Variants in TTC7A observed in about 807,000 individuals in gnomAD.
TTC7A encodes tetratricopeptide repeat domain 7A.
A neutral mutation model predicts 103.7 loss-of-function variants in TTC7A; 110 were observed. The ratio of observed to expected loss-of-function variants is 1.06; its 90% CI spans 0.91 to 1.24. The LOEUF is 1.24. Ranked by LOEUF, TTC7A falls within the 50% of genes most tolerant of loss-of-function variation. The probability of loss-of-function intolerance (pLI) is 0.00; values close to 1 mark genes in which losing one functional copy is unlikely to be tolerated. For missense variants in TTC7A, 1,340 were observed against 1,116.3 expected (o/e 1.20, Z -2.86); for synonymous variants, 521 against 467.9 (o/e 1.11, Z -1.47).
At chr2:47,072,215 C>A (rs924896008) in intron 19 of TTC7A, among the ~76,000 whole-genome samples, 2 of 152,216 alleles carry the variant, frequency 1.3e-5, no homozygotes, top group African/African-American at 4.8e-5. Flanking sequence ...GAGCGTAAGA[C>A]CCTGCCTGAG....
chr2:47,037,393 G>A (rs1311252255), intron 15 of TTC7A, among the ~76,000 whole-genome samples: 1 of 152,180 alleles, frequency 6.6e-6, no homozygotes, highest in Admixed American at 6.5e-5. Flanking sequence ...AACCATGCGG[G>A]GATTTGGGGA....
intron 8 of TTC7A, among the ~76,000 whole-genome samples, chr2:46,997,958 G>A (rs566330672): frequency 2.6e-5 from 4 of 152,232 alleles, no homozygotes; most frequent in African/African-American, 9.6e-5. Context: ...CGTGCTTGGA[G>A]CCAGGTGGGT....
At chr2:46,986,266 G>A (rs192454108) in intron 5 of TTC7A, among the ~76,000 whole-genome samples, 13 of 152,302 alleles carry the variant, frequency 8.5e-5, no homozygotes, top group African/African-American at 3.1e-4. Flanking sequence ...TGGGAAGCAG[G>A]GAGAAACCCT....
In TTC7A at chr2:46,917,202, C is replaced by T. The variant is rs1300459632; in HGVS notation, c.7C>T (p.Pro3Ser). The T allele has an allele frequency of 5.7e-6, 4 of 701,410 alleles. No homozygotes were observed. The Admixed American group carries it at 8.0e-5, about 14-fold the overall frequency. The allele number at this position is 701,410 out of a possible 1,614,324, so 43.4% of individuals were successfully genotyped here. A position where few individuals can be genotyped will look rare whatever the true frequency, so the allele number is the denominator to read the frequency against. ...TTTAAAGAAAAGAGTCTCCATGGTG[C>T]CCAGCTCGTCTCGAACTCCTGGGTT... The change falls in exon 2 of 21, where the codon CCC (proline) becomes TCC (serine). Residue 3 changes from proline to serine, a missense_variant. Coordinates refer to the TTC7A transcript ENST00000409245.
intron 19 of TTC7A, 49 bp downstream of exon 19, chr2:47,061,020 G>A (rs573601976): frequency 7.2e-6 from 11 of 1,522,644 alleles, no homozygotes; most frequent in Non-Finnish European, 9.8e-6. Flanking sequence ...ACAGCCTCAG[G>A]GCCCTTATCC....
chr2:46,957,141 G>A, intron 3 of TTC7A, 134 bp downstream of exon 3: 1 of 1,100,074 alleles, frequency 9.1e-7, no homozygotes, highest in African/African-American at 1.6e-5. Flanking sequence ...TGGTGTCTAA[G>A]GTGGATGCCG....
upstream of TTC7A, among the ~76,000 whole-genome samples, chr2:46,939,407 G>A (rs987446148): frequency 6.6e-6 from 1 of 152,158 alleles, no homozygotes; most frequent in African/African-American, 2.4e-5. Context: ...CTGGAAAATA[G>A]CTGTGAAGGG....
intron 12 of TTC7A, among the ~76,000 whole-genome samples, chr2:47,023,162 A>G (rs1376377107): frequency 6.6e-6 from 1 of 152,204 alleles, no homozygotes; most frequent in East Asian, 1.9e-4. Context: ...GCTTGTAGGC[A>G]TTGGCCTTTG....
rs1353033844 is a variant in TTC7A, at chr2:47,007,708, G to T, written c.1287+984G>T. Among the ~76,000 whole-genome samples, 1 of 152,200 alleles carries T rather than the reference G, an allele frequency of 6.6e-6. No individual in the cohort carries two copies. The highest frequency in any genetic ancestry group is 1.5e-5 in the Non-Finnish European group (1 of 68,022). ...GCAGGGAGGGGGAAGAGGAGCAGGT[G>T]CTGCAGCCTGAGTGCGGGGAGAGGC... On this transcript the variant is annotated intron_variant, in intron 10 of 19. Transcript: ENST00000319190. The surrounding 1 kb of genome is among the most constrained non-coding windows in gnomAD (Gnocchi z 4.9).
Position 47,022,279 on chromosome 2 carries a change from C to G in TTC7A, c.1510+300C>G, listed in dbSNP as rs531486677. ...CTCCAGCAAAGCCCATGCTGATCTT[C>G]TCTGTGGAACTCCTGCTTCCTGTCT... On this transcript the variant is annotated intron_variant, in intron 12 of 19. Coordinates refer to ENST00000319190, the MANE Select transcript of TTC7A (RefSeq NM_020458.4). 7.9e-5 allele frequency among the ~76,000 whole-genome samples: 12 copies of G among 152,342 alleles called. 1 individual carries two copies. The East Asian group carries it at 2.3e-3, about 29-fold the overall frequency.
intron 3 of TTC7A, among the ~76,000 whole-genome samples, chr2:46,973,469 G>C: frequency 6.6e-6 from 1 of 152,020 alleles, no homozygotes; most frequent in African/African-American, 2.4e-5. Context: ...CGAGTGCGGC[G>C]GAGGATGGAT....
At chr2:47,037,578 A>G (rs1241926362) in intron 15 of TTC7A, among the ~76,000 whole-genome samples, 5 of 152,254 alleles carry the variant, frequency 3.3e-5, no homozygotes, top group Non-Finnish European at 5.9e-5. Context: ...GCGAGAACCC[A>G]TGCCAGCTGA....
intron 3 of TTC7A, among the ~76,000 whole-genome samples, chr2:46,973,619 G>C (rs1414778342): frequency 3.3e-5 from 5 of 152,152 alleles, no homozygotes. Flanking sequence ...CCAGTCGAGG[G>C]ACTGAGTGGA....
chr2:46,980,917 A>T (rs1674387063), intron 5 of TTC7A, among the ~76,000 whole-genome samples: 1 of 152,226 alleles, frequency 6.6e-6, no homozygotes, highest in Non-Finnish European at 1.5e-5. Flanking sequence ...GGTACAGCCT[A>T]GCCAGGTGGA....
intron 2 of TTC7A, among the ~76,000 whole-genome samples, chr2:46,929,529 A>G (rs942111935): frequency 6.6e-6 from 1 of 152,184 alleles, no homozygotes; most frequent in Admixed American, 6.5e-5. Flanking sequence ...TCTAAATAAC[A>G]TGTAGGTCAA....
intron 11 of TTC7A, among the ~76,000 whole-genome samples, chr2:47,020,934 C>T (rs916848134): frequency 1.2e-4 from 19 of 152,224 alleles, no homozygotes; most frequent in African/African-American, 4.1e-4. Flanking sequence ...GAATCTCATT[C>T]CCTGGTCTCC....
intron 11 of TTC7A, among the ~76,000 whole-genome samples, chr2:47,018,152 T>G (rs12478221): frequency 2.0e-5 from 3 of 151,360 alleles, no homozygotes; most frequent in Admixed American, 6.6e-5. Flanking sequence ...TGGCACACAC[T>G]GGTAATCCCA....
At chr2:47,003,595 C>G (rs556357087) in intron 8 of TTC7A, among the ~76,000 whole-genome samples, 13 of 152,344 alleles carry the variant, frequency 8.5e-5, no homozygotes, top group Non-Finnish European at 1.3e-4. Flanking sequence ...TCTGCACAGA[C>G]AGGCAGGAGG....
At chr2:46,995,786 A>C (rs1173437158) in intron 8 of TTC7A, among the ~76,000 whole-genome samples, 1 of 152,234 alleles carries the variant, frequency 6.6e-6, no homozygotes, top group Non-Finnish European at 1.5e-5. Context: ...TGCTCTAGAC[A>C]CCAGAGATGC....
Sources: gnomAD v4.1 joint callset for allele counts (sites outside exome capture counted in the v4.1 genomes callset) on GRCh38, gnomAD v4.1.1 for gene constraint, Gnocchi (gnomAD v3.1) non-coding constraint, MANE v1.5 for transcripts, NCBI Gene and HGNC (gene_info 2026-07-23, HGNC 2026-07-21) for gene names.